IDS: variants seen among roughly 807,000 people sequenced by gnomAD.
IDS encodes the protein iduronate 2-sulfatase, also known as alpha-L-iduronate sulfate sulfatase.
Under a neutral mutation model 33.5 loss-of-function variants are expected in IDS, and 1 was observed. The ratio of observed to expected loss-of-function variants is 0.03; its 90% CI spans 0.01 to 0.14. The LOEUF (loss-of-function observed/expected upper bound fraction) is 0.14, where lower values mean the gene tolerates loss of function less well. IDS is among the 10% of genes least tolerant of loss of function. IDS has a pLI of 1.00. For synonymous variants in IDS, 191 were observed against 184.4 expected, an observed-to-expected ratio of 1.04 and a Z score of -0.29; for missense variants, 328 against 448.0, an observed-to-expected ratio of 0.73 and a Z score of 2.42.
intron 8 of IDS, among the ~76,000 whole-genome samples, chrX:149,484,286 T>C (rs1484691681): frequency 4.4e-5 from 5 of 112,623 alleles, no homozygotes; most frequent in Non-Finnish European, 9.4e-5. Context: ...GTGTTCCAAT[T>C]TTTCCATATA....
chrX:149,505,000 G>A, intron 1 of IDS, 35 bp downstream of exon 1: 1 of 1,024,485 alleles, frequency 9.8e-7, no homozygotes, highest in Non-Finnish European at 1.4e-6. Flanking sequence ...GAGGGAGGAA[G>A]GGAGAAGAGA....
rs146819769 is a variant in IDS, at chrX:149,483,029, G to C, written c.1370C>G (p.Pro457Arg). Reference sequence around the variant, plus strand: ...CTGGCTATAGGCAATCAGTTCACGGGGATTACCAGGGAGGTACGGATCCTC... The same window carrying C: ...CTGGCTATAGGCAATCAGTTCACGGCGATTACCAGGGAGGTACGGATCCTC... ...LEEDPYLPGN[P>R]RELIAYSQYP... The change falls in exon 9 of 9, where the codon CCC becomes CGC. Residue 457 changes from proline (P) to arginine (R), a missense_variant. This residue lies in a region of IDS where 265 missense variants were observed against 339.2 expected (regional missense o/e 0.78). Coordinates refer to ENST00000340855, the MANE Select transcript of IDS (RefSeq NM_000202.8). 1 of 1,208,602 alleles carries C rather than the reference G, an allele frequency of 8.3e-7. No individual in the cohort carries two copies. Among genetic ancestry groups the C allele is most frequent in the Non-Finnish European group, 1.1e-6 (1 of 892,916 alleles).
chrX:149,500,887 G>T, intron 4 of IDS, 62 bp downstream of exon 4: 2 of 698,620 alleles, frequency 2.9e-6, no homozygotes, highest in East Asian at 3.2e-5. Context: ...AGTATACCCA[G>T]TAGTTTATGT....
At chrX:149,487,402 G>T in intron 7 of IDS, 2 of 682,270 alleles carry the variant, frequency 2.9e-6, no homozygotes, top group Non-Finnish European at 4.7e-6. Flanking sequence ...ACTCTGTGGC[G>T]GTTCCCACAC....
In IDS at chrX:149,481,610, A is replaced by AAAT. The variant is rs1557337443; in HGVS notation, c.*1133_*1135dup. ...TAACTGAGAAGATTCAACATGTTAT[A>AAAT]AATATGAGTTGTAAATATTCCATCC... On this transcript the variant is annotated 3_prime_UTR_variant, in exon 9 of 9. Coordinates refer to ENST00000340855, the MANE Select transcript of IDS (RefSeq NM_000202.8). 1.8e-5 allele frequency: 2 copies of AAAT among 111,809 alleles called. No individual in the cohort carries two copies. Among genetic ancestry groups the AAAT allele is most frequent in the African/African-American group, 6.5e-5 (2 of 30,737 alleles). The allele number at this position is 111,809 out of a possible 1,213,427, so 9.2% of individuals were successfully genotyped here.
At position 149,498,119 on chromosome X, in the gene IDS, G is replaced by A. The variant is rs782498858; in HGVS notation, c.696C>T (p.Phe232=). 3.4e-5 allele frequency: 41 copies of A among 1,207,291 alleles called. No individual in the cohort carries two copies. In the East Asian group the frequency reaches 1.2e-3, roughly 36 times the overall value. The part of the protein sequence containing the change: ...AVGYHKPHIP[F]RYPKEFQKLY... ...ACCAGCTCTTCACCTTGGGGTATCT[G>A]AAGGGGATGTGTGGCTTATGATACC... The change falls in exon 5 of 9, where the codon TTC becomes TTT. Residue 232 remains phenylalanine (F), a synonymous_variant. Coordinates refer to ENST00000340855, the MANE Select transcript of IDS (RefSeq NM_000202.8).
rs201892132 is a variant in IDS, at chrX:149,501,006, C to T, written c.450G>A (p.Pro150=). The T allele has an allele frequency of 9.1e-5, 107 of 1,173,886 alleles. No homozygotes were observed. The highest frequency in any genetic ancestry group is 1.8e-4 in the South Asian group (10 of 56,248). The part of the protein sequence containing the change: ...GISSNHTDDS[P]YSWSFPPYHP... ...GATAAGGTGGAAAAGACCAGCTATA[C>T]GGAGAATCATCGGTATGGTTAGAAG... The change falls in exon 4 of 9, where the codon CCG becomes CCA. Residue 150 remains proline (P), a synonymous_variant. Coordinates refer to ENST00000340855, the MANE Select transcript of IDS (RefSeq NM_000202.8).
chrX:149,497,719 A>G (rs1489691503), intron 5 of IDS, among the ~76,000 whole-genome samples: 1 of 112,388 alleles, frequency 8.9e-6, no homozygotes, highest in Non-Finnish European at 1.9e-5. Flanking sequence ...CAGGGGGAAC[A>G]GGCAGTTTTT....
intron 4 of IDS, among the ~76,000 whole-genome samples, chrX:149,500,070 A>G (rs2089467608): frequency 9.0e-6 from 1 of 111,532 alleles, no homozygotes; most frequent in African/African-American, 3.3e-5. Flanking sequence ...TTCATCATCT[A>G]TATATACACG....
At chrX:149,497,301 C>T (rs1372744935) in intron 5 of IDS, among the ~76,000 whole-genome samples, 3 of 112,432 alleles carry the variant, frequency 2.7e-5, no homozygotes, top group Non-Finnish European at 5.6e-5. Flanking sequence ...AGATGCCAGC[C>T]AAGGGCTAGA....
rs904998679 is a variant in IDS at position 149,477,340 on chromosome X, A to G, written c.*5406T>C. Reference sequence around the variant, plus strand: ...TTTCCTAGCATGTGCTGAATACACTACTAGACCTTGAGCTTTTGTTCCTCA... The same window carrying G: ...TTTCCTAGCATGTGCTGAATACACTGCTAGACCTTGAGCTTTTGTTCCTCA... On this transcript the variant is annotated 3_prime_UTR_variant, in exon 9 of 9. Coordinates refer to ENST00000340855, the MANE Select transcript of IDS (RefSeq NM_000202.8). 4 of 112,410 alleles carry G rather than the reference A, an allele frequency of 3.6e-5. No individual in the cohort carries two copies. Among genetic ancestry groups the G allele is most frequent in the Non-Finnish European group, 7.5e-5 (4 of 53,258 alleles). 9.3% of individuals were successfully genotyped at this position (112,410 alleles called of 1,213,427 possible).
chrX:149,496,511 A>G lies in IDS; in HGVS notation c.714T>C (p.Phe238=), dbSNP rs2089438364. ...PHIPFRYPKE[F]QKLYPLENIT... ...TGTTCTCCAAGGGATACAACTTCTG[A>G]AATTCCTTGGGGAAAAACACAAAGC... The change falls in exon 6 of 9, where the codon TTT becomes TTC. Residue 238 remains phenylalanine (F), a synonymous_variant. Transcript: ENST00000340855. The G allele has an allele frequency of 1.7e-6, 2 of 1,211,300 alleles. No individual in the cohort carries two copies. The highest frequency in any genetic ancestry group is 1.1e-6 in the Non-Finnish European group (1 of 895,246).
chrX:149,485,215 G>A (rs782133876), intron 8 of IDS, among the ~76,000 whole-genome samples: 5 of 112,104 alleles, frequency 4.5e-5, no homozygotes, highest in African/African-American at 9.7e-5. Context: ...CTCCTGTGCC[G>A]GGCTGTGACA....
At chrX:149,493,953 G>A (rs1232630833) in intron 6 of IDS, among the ~76,000 whole-genome samples, 4 of 111,515 alleles carry the variant, frequency 3.6e-5, no homozygotes, top group African/African-American at 1.3e-4. Context: ...GAGAAATGGG[G>A]CACAGGGGTG....
At chrX:149,503,796 G>A (rs781865490) in intron 2 of IDS, among the ~76,000 whole-genome samples, 3 of 112,320 alleles carry the variant, frequency 2.7e-5, no homozygotes, top group Non-Finnish European at 5.6e-5. Context: ...TCAGGGAGCA[G>A]GGCCACCCTG....
At chrX:149,492,178 T>C (rs1306526898) in intron 6 of IDS, among the ~76,000 whole-genome samples, 1 of 111,850 alleles carries the variant, frequency 8.9e-6, no homozygotes, top group Non-Finnish European at 1.9e-5. Flanking sequence ...TGCCTCAGGG[T>C]TATAGAACAG....
In IDS at chrX:149,503,301, T is replaced by C. The variant is rs374708997; in HGVS notation, c.418+11A>G. The C allele has an allele frequency of 3.6e-5, 43 of 1,207,876 alleles. No individual in the cohort carries two copies. The highest frequency in any genetic ancestry group is 5.3e-5 in the African/African-American group (3 of 56,904). On this transcript the variant is annotated intron_variant, in intron 3 of 8. Coordinates refer to ENST00000340855, the MANE Select transcript of IDS (RefSeq NM_000202.8). Reference sequence around the variant, plus strand: ...ACCAAGAGAACCCAGACTCTGGACATGGAGCAGTACCAGGGTGAAAGACTT... The same window carrying C: ...ACCAAGAGAACCCAGACTCTGGACACGGAGCAGTACCAGGGTGAAAGACTT...
intron 5 of IDS, among the ~76,000 whole-genome samples, chrX:149,497,618 A>G: frequency 8.9e-6 from 1 of 112,830 alleles, no homozygotes; most frequent in South Asian, 3.6e-4. Context: ...AAAAGACTAC[A>G]TGCTCTAAAT....
At chrX:149,484,758 C>T (rs2089322565) in intron 8 of IDS, among the ~76,000 whole-genome samples, 1 of 112,531 alleles carries the variant, frequency 8.9e-6, no homozygotes, top group Admixed American at 9.4e-5. Context: ...ATTGGATTTG[C>T]ACTACCATTC....
Sources: allele counts gnomAD v4.1 joint callset (sites outside exome capture counted in the v4.1 genomes callset), GRCh38; gene constraint gnomAD v4.1.1; regional missense constraint gnomAD v4.1.1; transcripts MANE v1.5; gene names NCBI Gene and HGNC (gene_info 2026-07-23, HGNC 2026-07-21).